PTPDC1: variants seen among roughly 807,000 people sequenced by gnomAD.
The protein encoded by PTPDC1 is protein tyrosine phosphatase domain-containing protein 1.
In PTPDC1, 53 loss-of-function variants were observed where a neutral mutation model predicts 75.3. The observed-to-expected ratio is 0.70, with a 90% CI of 0.56 to 0.88. The LOEUF is 0.88. Among genes scored for constraint, PTPDC1 ranks in the 40% least tolerant of loss-of-function variants. The pLI, the probability that PTPDC1 is intolerant of heterozygous loss-of-function variation, is 0.00. For synonymous variants in PTPDC1, 349 were observed against 366.2 expected (o/e 0.95, Z 0.54); for missense variants, 925 against 998.6 (o/e 0.93, Z 0.99).
intron 8 of PTPDC1, among the ~76,000 whole-genome samples, chr9:94,105,607 G>T (rs910401440): frequency 4.7e-5 from 7 of 150,088 alleles, no homozygotes; most frequent in African/African-American, 1.7e-4. Flanking sequence ...GGTGGAGGTT[G>T]CAGTGAGCCG....
intron 4 of PTPDC1, among the ~76,000 whole-genome samples, chr9:94,093,715 G>T (rs1436590845): frequency 4.1e-5 from 6 of 144,808 alleles, no homozygotes; most frequent in Non-Finnish European, 7.6e-5. Context: ...TCACTTTCAG[G>T]TACACCAATC....
chr9:94,047,231 G>A (rs1825632352), intron 1 of PTPDC1, among the ~76,000 whole-genome samples: 1 of 152,122 alleles, frequency 6.6e-6, no homozygotes, highest in Non-Finnish European at 1.5e-5. Flanking sequence ...TTGATGTGCT[G>A]CTGGATTTGG....
At chr9:94,080,520 A>G (rs1487534259), upstream of PTPDC1, among the ~76,000 whole-genome samples, 1 of 152,150 alleles carries the variant, frequency 6.6e-6, no homozygotes, top group African/African-American at 2.4e-5. Flanking sequence ...CAGCAGTAAC[A>G]CTCTAATGGC....
upstream of PTPDC1, among the ~76,000 whole-genome samples, chr9:94,081,190 A>G (rs1251333521): frequency 6.6e-6 from 1 of 151,944 alleles, no homozygotes; most frequent in Non-Finnish European, 1.5e-5. Flanking sequence ...GGGTTTCACC[A>G]TGTTGGCCAG....
chr9:94,074,508 G>T (rs1564021578), intron 2 of PTPDC1, among the ~76,000 whole-genome samples: 1 of 152,114 alleles, frequency 6.6e-6, no homozygotes, highest in Non-Finnish European at 1.5e-5. Context: ...ATTCCCGGCT[G>T]GGCCCTGTGG....
chr9:94,065,928 G>A (rs1386039646), intron 2 of PTPDC1, among the ~76,000 whole-genome samples: 1 of 152,170 alleles, frequency 6.6e-6, no homozygotes, highest in Non-Finnish European at 1.5e-5. Context: ...TTCCCCCTGA[G>A]TAACTCTTCA....
At position 94,098,469 on chromosome 9, in the gene PTPDC1, C is replaced by T; in HGVS notation, c.1903C>T (p.Gln635Ter). 1 of 1,614,122 alleles carries T rather than the reference C, an allele frequency of 6.2e-7. No homozygotes were observed. The highest frequency in any genetic ancestry group is 8.5e-7 in the Non-Finnish European group (1 of 1,179,978). Residue 635 changes from glutamine (Q) to a stop codon, truncating the protein, a stop_gained, in exon 6 of 9, where the codon CAG becomes TAG. Coordinates refer to ENST00000620992, the MANE Select transcript of PTPDC1 (RefSeq NM_001253829.2). LOFTEE classifies it high-confidence loss of function. ...LSEAASHSAL[Q>*]SELSAEARRI... ...TGAAGCAGCTTCACACTCTGCATTACAGTCTGAATTGAGTGCTGAGGCAAG... is the reference window on the plus strand; with the variant it reads ...TGAAGCAGCTTCACACTCTGCATTATAGTCTGAATTGAGTGCTGAGGCAAG...
At chr9:94,038,342 G>C (rs1825334531) in intron 1 of PTPDC1, 3 of 590,218 alleles carry the variant, frequency 5.1e-6, no homozygotes, top group South Asian at 1.8e-5. Context: ...CTACTAGTGA[G>C]TAATTATTGA....
intron 1 of PTPDC1, among the ~76,000 whole-genome samples, chr9:94,050,830 G>A (rs1825765656): frequency 6.6e-6 from 1 of 152,218 alleles, no homozygotes; most frequent in South Asian, 2.1e-4. Flanking sequence ...ACAGAGGCAG[G>A]CAGGCCTCCT....
intron 1 of PTPDC1, among the ~76,000 whole-genome samples, chr9:94,063,033 A>C (rs944378742): frequency 6.6e-6 from 1 of 152,186 alleles, no homozygotes; most frequent in Non-Finnish European, 1.5e-5. Context: ...TCAGGTATAC[A>C]TGTTTCATTA....
At position 94,098,577 on chromosome 9, in the gene PTPDC1, C is replaced by T. The variant is rs1033382390; in HGVS notation, c.2011C>T (p.Gln671Ter). Residue 671 changes from glutamine to a stop codon, truncating the protein, a stop_gained and splice_region_variant, in exon 6 of 9, where the codon CAG becomes TAG. Transcript: ENST00000620992. LOFTEE classifies it high-confidence loss of function. ...ACTAAAAAGGAAGGTAGAAATGTGGCAGGTATTATTAGTACTTAATTTAAT... is the reference window on the plus strand; with the variant it reads ...ACTAAAAAGGAAGGTAGAAATGTGGTAGGTATTATTAGTACTTAATTTAAT... ...EELKRKVEMW[Q>*]KELNSRDGAW... is the part of the protein sequence containing the mutation. 1 of 1,607,330 alleles carries T rather than the reference C, an allele frequency of 6.2e-7. No individual in the cohort carries two copies. Among genetic ancestry groups the T allele is most frequent in the African/African-American group, 1.3e-5 (1 of 74,816 alleles).
chr9:94,087,936 G>C (rs369816434), intron 3 of PTPDC1, 25 bp downstream of exon 3: 1 of 1,590,134 alleles, frequency 6.3e-7, no homozygotes, highest in Non-Finnish European at 8.6e-7. Flanking sequence ...GTTCACACAC[G>C]AGTGAGCAAA....
At position 94,070,862 on chromosome 9, in the gene PTPDC1, T is replaced by C. The variant is rs190758029; in HGVS notation, c.82+6041T>C. 4.1e-3 allele frequency among the ~76,000 whole-genome samples: 619 copies of C among 152,348 alleles called. 4 individuals carry two copies. Among genetic ancestry groups the C allele is most frequent in the African/African-American group, 0.014 (563 of 41,574 alleles). On this transcript the variant is annotated intron_variant, in intron 2 of 9. Transcript: ENST00000375360. Reference sequence around the variant, plus strand: ...CCAATAGTTGAGTCCTTTTTATTGCTGAGTAGTATTCCGTGGTATGGATGT... The same window carrying C: ...CCAATAGTTGAGTCCTTTTTATTGCCGAGTAGTATTCCGTGGTATGGATGT...
intron 1 of PTPDC1, among the ~76,000 whole-genome samples, chr9:94,045,852 G>C (rs1431263964): frequency 1.3e-5 from 2 of 152,068 alleles, no homozygotes; most frequent in Admixed American, 6.6e-5. Flanking sequence ...AGTTTAATTA[G>C]ATCCCATTTT....
At chr9:94,061,303 A>G (rs1826124145) in intron 1 of PTPDC1, among the ~76,000 whole-genome samples, 1 of 152,190 alleles carries the variant, frequency 6.6e-6, no homozygotes, top group South Asian at 2.1e-4. Flanking sequence ...TGCAGGGTTC[A>G]TCTCTTAAGG....
chr9:94,036,751 T>C lies in PTPDC1; in HGVS notation c.-7+5624T>C, dbSNP rs181514590. 4.4e-3 allele frequency among the ~76,000 whole-genome samples: 666 copies of C among 152,332 alleles called. 6 individuals carry two copies. The highest frequency in any genetic ancestry group is 0.024 in the Middle Eastern group (7 of 294). ...TGCTGCAGTGCACAGCAGAGGGAGT[T>C]GGCTACTATAGGTGGAGAATGGTTA... On this transcript the variant is annotated intron_variant, in intron 1 of 9. Transcript: ENST00000375360.
chr9:94,088,426 A>C (rs745308084), intron 4 of PTPDC1, among the ~76,000 whole-genome samples, 163 bp downstream of exon 4: 1 of 152,176 alleles, frequency 6.6e-6, no homozygotes, highest in Admixed American at 6.5e-5. Context: ...TTGCTGTTGA[A>C]AGTAAAGGAT....
At chr9:94,065,074 A>T (rs887560101) in intron 2 of PTPDC1, among the ~76,000 whole-genome samples, 1 of 152,262 alleles carries the variant, frequency 6.6e-6, no homozygotes, top group Non-Finnish European at 1.5e-5. Context: ...AGCTGAGATT[A>T]TGCATTTGTT....
intron 4 of PTPDC1, among the ~76,000 whole-genome samples, chr9:94,094,452 G>C (rs1003122155): frequency 6.6e-6 from 1 of 152,144 alleles, no homozygotes; most frequent in Non-Finnish European, 1.5e-5. Context: ...TTCCAGCTGC[G>C]TGCTGGGAGA....
Sources: allele counts gnomAD v4.1 joint callset (sites outside exome capture counted in the v4.1 genomes callset), GRCh38; gene constraint gnomAD v4.1.1; transcripts MANE v1.5; gene names NCBI Gene and HGNC (gene_info 2026-07-23, HGNC 2026-07-21).